The following CSMD3 variants were observed in gnomAD, a reference collection of about 807,000 sequenced individuals.
The protein encoded by CSMD3 is CUB and Sushi multiple domains 3.
Under a neutral mutation model 435.2 loss-of-function variants are expected in CSMD3, and 177 were observed. The ratio of observed to expected loss-of-function variants is 0.41; its 90% confidence interval spans 0.36 to 0.46. The LOEUF (loss-of-function observed/expected upper bound fraction) is 0.46. CSMD3 is among the 20% of genes least tolerant of loss of function. CSMD3 has a pLI of 0.34. For missense variants in CSMD3, 4,265 were observed against 4,504.6 expected (o/e 0.95, Z 1.52); for synonymous variants, 1,656 against 1,520.5 (o/e 1.09, Z -2.07).
At chr8:113,089,272 A>G (rs1588051549) in intron 5 of CSMD3, among the ~76,000 whole-genome samples, 1 of 152,332 alleles carries the variant, frequency 6.6e-6, no homozygotes, top group African/African-American at 2.4e-5. Context: ...GAACAATGGA[A>G]GAATCTCACT....
rs1183480532 is a variant in CSMD3, at chr8:112,341,609, T to C, written c.6520A>G (p.Thr2174Ala). The change falls in exon 42 of 71, where the codon ACT (threonine) becomes GCT (alanine). Residue 2174 changes from threonine to alanine, a missense_variant. Thr to Ala is a moderately conservative substitution (Grantham distance 58). Transcript: ENST00000297405. ...CTAAGCCGGCCAATAACAGTACTAG[T>C]TTCTGAGGATCCACTTCGTACTTCC... ...YLEVRSGSSETSTVIGRLSGP... is the reference protein window; with the variant it reads ...YLEVRSGSSEASTVIGRLSGP... 1 of 1,613,218 alleles carries C rather than the reference T, an allele frequency of 6.2e-7. No individual in the cohort carries two copies. The highest frequency in any genetic ancestry group is 2.2e-5 in the East Asian group (1 of 44,852).
rs764010570 is a variant in CSMD3 at position 113,436,849 on chromosome 8, T to C, written c.6A>G (p.Lys2=). The stretch of plus-strand genomic sequence containing the variant: ...CTCGGCTTTCCCCTTTGCGGATCCC[T>C]TTCATATTATTCGCGAGCTCCTAAT... The part of the protein sequence containing the change: M[K]GIRKGESRAK... The change falls in exon 1 of 71, where the codon AAA becomes AAG. Residue 2 remains lysine (K), a synonymous_variant. Transcript: ENST00000297405. The C allele has an allele frequency of 1.2e-6, 2 of 1,614,052 alleles. No individual in the cohort carries two copies. The highest frequency in any genetic ancestry group is 1.7e-6 in the Non-Finnish European group (2 of 1,180,030).
intron 22 of CSMD3, among the ~76,000 whole-genome samples, chr8:112,626,380 T>C (rs1834476375): frequency 6.6e-6 from 1 of 152,112 alleles, no homozygotes; most frequent in Admixed American, 6.6e-5. Flanking sequence ...GAACCTATCT[T>C]AGCTAAGTGC....
At chr8:112,628,583 T>C (rs956894636) in intron 22 of CSMD3, among the ~76,000 whole-genome samples, 63 of 152,316 alleles carry the variant, frequency 4.1e-4, no homozygotes, top group African/African-American at 1.5e-3. Context: ...GCTTTGTTCA[T>C]GTAAATGAAA....
intron 6 of CSMD3, among the ~76,000 whole-genome samples, chr8:112,998,375 G>T (rs939661266): frequency 6.6e-6 from 1 of 151,698 alleles, no homozygotes; most frequent in South Asian, 2.1e-4. Context: ...TTCTTTGCTC[G>T]CCTGAACCAT....
intron 68 of CSMD3, among the ~76,000 whole-genome samples, chr8:112,232,207 G>C (rs1360337671): frequency 6.6e-6 from 1 of 152,170 alleles, no homozygotes; most frequent in East Asian, 1.9e-4. Flanking sequence ...GTCAGAACAG[G>C]GAAATCTATA....
intron 13 of CSMD3, among the ~76,000 whole-genome samples, chr8:112,700,068 TTACA>T (rs1383180736): frequency 6.6e-6 from 1 of 152,168 alleles, no homozygotes; most frequent in Non-Finnish European, 1.5e-5. Flanking sequence ...TGTTTTGTGG[TTACA>T]TAAAGGAGTT....
intron 13 of CSMD3, among the ~76,000 whole-genome samples, chr8:112,724,880 A>G (rs932852648): frequency 2.6e-5 from 4 of 152,094 alleles, no homozygotes; most frequent in Admixed American, 2.0e-4. Context: ...AAAACTGAGC[A>G]TTTAGTGCTA....
chr8:112,929,538 A>T lies in CSMD3; in HGVS notation c.1509-7787T>A, dbSNP rs73346070. Among the ~76,000 whole-genome samples the T allele has an allele frequency of 2.9e-3, 448 of 152,174 alleles. 1 individual carries two copies. Among genetic ancestry groups the T allele is most frequent in the African/African-American group, 1.0e-2 (414 of 41,546 alleles). The stretch of plus-strand genomic sequence containing the variant: ...TGATGTTTTTATTCTGCTTTGCTTT[A>T]TCTCTTATATATAACACTCAATAGG... On this transcript the variant is annotated intron_variant, in intron 9 of 70. Coordinates refer to ENST00000297405, the MANE Select transcript of CSMD3 (RefSeq NM_198123.2).
At chr8:112,589,953 G>C (rs1197981641) in intron 22 of CSMD3, among the ~76,000 whole-genome samples, 4 of 152,082 alleles carry the variant, frequency 2.6e-5, no homozygotes, top group Non-Finnish European at 5.9e-5. Context: ...TTTTCAGTCA[G>C]GTGCTATAAG....
chr8:113,366,015 A>C (rs1339052827), intron 1 of CSMD3, among the ~76,000 whole-genome samples: 3 of 152,054 alleles, frequency 2.0e-5, no homozygotes, highest in African/African-American at 7.2e-5. Flanking sequence ...TTTTATTCAC[A>C]TGCTAGACAG....
intron 6 of CSMD3, among the ~76,000 whole-genome samples, chr8:113,010,269 T>A (rs2086208259): frequency 6.6e-6 from 1 of 151,674 alleles, no homozygotes; most frequent in African/African-American, 2.4e-5. Flanking sequence ...TTAAGACTCA[T>A]GGGCTATCAA....
intron 5 of CSMD3, among the ~76,000 whole-genome samples, chr8:113,020,820 G>C (rs1282736434): frequency 6.6e-6 from 1 of 152,164 alleles, no homozygotes; most frequent in Non-Finnish European, 1.5e-5. Context: ...GGGAACAGTA[G>C]AAGGAGGATG....
chr8:113,210,213 T>C (rs1270048726), intron 3 of CSMD3, among the ~76,000 whole-genome samples: 1 of 152,120 alleles, frequency 6.6e-6, no homozygotes, highest in Non-Finnish European at 1.5e-5. Context: ...ATTTTACACC[T>C]GATTTCCTAA....
chr8:113,352,616 GTAATTAACAATGGCTCTCTT>G (rs2094197409), intron 1 of CSMD3, among the ~76,000 whole-genome samples: 1 of 152,144 alleles, frequency 6.6e-6, no homozygotes, highest in Admixed American at 6.6e-5. Flanking sequence ...GCTGTTTACA[GTAATTAACAATGGCTCTCTT>G]TAGGAGATGA....
At chr8:113,236,538 G>T (rs749427238) in intron 3 of CSMD3, among the ~76,000 whole-genome samples, 25 of 151,946 alleles carry the variant, frequency 1.6e-4, no homozygotes, top group Non-Finnish European at 2.9e-4. Context: ...CTCTCCTGTT[G>T]ATGTAACACC....
chr8:113,026,346 C>G (rs1458122008), intron 5 of CSMD3, among the ~76,000 whole-genome samples: 2 of 152,180 alleles, frequency 1.3e-5, no homozygotes, highest in Non-Finnish European at 2.9e-5. Context: ...AGAGATTTCA[C>G]CACTTCCTTG....
intron 13 of CSMD3, among the ~76,000 whole-genome samples, chr8:112,707,437 A>G (rs958154603): frequency 1.1e-4 from 16 of 142,938 alleles, no homozygotes; most frequent in Non-Finnish European, 1.9e-4. Context: ...TTGAGACTGC[A>G]TCTGTGCTGA....
chr8:112,710,310 A>G (rs892325240), intron 13 of CSMD3, among the ~76,000 whole-genome samples: 1 of 152,130 alleles, frequency 6.6e-6, no homozygotes, highest in Non-Finnish European at 1.5e-5. Flanking sequence ...ACATGTGTCT[A>G]ATGAGGTTGT....
Sources: gnomAD v4.1 joint callset for allele counts (sites outside exome capture counted in the v4.1 genomes callset) on GRCh38, gnomAD v4.1.1 for gene constraint, MANE v1.5 for transcripts, NCBI Gene and HGNC (gene_info 2026-07-23, HGNC 2026-07-21) for gene names.